Variants in ESR1 observed in about 807,000 individuals in gnomAD.
The protein encoded by ESR1 is estrogen receptor 1.
Under a neutral mutation model 52.7 loss-of-function variants are expected in ESR1, and 12 were observed. That is an observed-to-expected ratio of 0.23 (90% CI 0.15 to 0.37). The LOEUF is 0.37. Ranked by LOEUF, ESR1 falls within the 10% of genes least tolerant of loss-of-function variation. ESR1 has a pLI of 1.00. For synonymous variants in ESR1, 305 were observed against 316.8 expected (o/e 0.96, Z 0.39); for missense variants, 584 against 779.7 (o/e 0.75, Z 2.99).
chr6:151,709,963 T>G (rs1406034936), intron 2 of ESR1, among the ~76,000 whole-genome samples: 1 of 151,674 alleles, frequency 6.6e-6, no homozygotes, highest in Non-Finnish European at 1.5e-5. Flanking sequence ...TTTTATTATT[T>G]TTAATATTTA....
intron 1 of ESR1, among the ~76,000 whole-genome samples, chr6:151,659,115 G>A (rs1038809871): frequency 6.6e-6 from 1 of 152,158 alleles, no homozygotes; most frequent in African/African-American, 2.4e-5. Context: ...CTGGGTTCAA[G>A]TGATTCTCCT....
chr6:151,980,444 A>G (rs2039881513), intron 4 of ESR1, among the ~76,000 whole-genome samples: 1 of 152,212 alleles, frequency 6.6e-6, no homozygotes, highest in South Asian at 2.1e-4. Context: ...AGAAGCAATA[A>G]AGGAAACAAC....
chr6:151,842,392 A>G (rs1784437738), intron 1 of ESR1, among the ~76,000 whole-genome samples: 6 of 152,246 alleles, frequency 3.9e-5, no homozygotes, highest in Admixed American at 3.9e-4. Flanking sequence ...TTTTAAAACA[A>G]GTTTGCAATA....
At chr6:151,963,305 C>T (rs569051623) in intron 4 of ESR1, among the ~76,000 whole-genome samples, 1 of 152,270 alleles carries the variant, frequency 6.6e-6, no homozygotes, top group Admixed American at 6.5e-5. Flanking sequence ...CAATCTCTTT[C>T]CAGGGGGTAA....
chr6:152,123,046 C>CATA (rs1256283073), intron 6 of ESR1, among the ~76,000 whole-genome samples: 1 of 152,214 alleles, frequency 6.6e-6, no homozygotes, highest in African/African-American at 2.4e-5. Flanking sequence ...TTTGATGCAG[C>CATA]ATATTTTTGT....
At position 151,841,146 on chromosome 6, in the gene ESR1, C is replaced by T. The variant is rs145278550; in HGVS notation, c.453-1451C>T. Among the ~76,000 whole-genome samples, 195 of 152,312 alleles carry T rather than the reference C, an allele frequency of 1.3e-3. 2 individuals carry two copies. The highest frequency in any genetic ancestry group is 1.3e-3 in the East Asian group (7 of 5,186). On this transcript the variant is annotated intron_variant, in intron 1 of 7. Transcript: ENST00000206249. The stretch of plus-strand genomic sequence containing the variant: ...CTTCTTGGCTTTATTCTTTTATCTT[C>T]CTCTTTGTGCTTTCAAACATTCCCT...
chr6:151,933,888 C>T (rs1306115419), intron 3 of ESR1, among the ~76,000 whole-genome samples: 1 of 152,204 alleles, frequency 6.6e-6, no homozygotes, highest in Non-Finnish European at 1.5e-5. Context: ...CCCCTGCTAC[C>T]TCATCAACTG....
chr6:151,802,778 CA>C (rs1777389934), upstream of ESR1, among the ~76,000 whole-genome samples: 1 of 152,124 alleles, frequency 6.6e-6, no homozygotes, highest in Non-Finnish European at 1.5e-5. Flanking sequence ...CACCTGTGGT[CA>C]GGAGTTCAGG....
intron 2 of ESR1, among the ~76,000 whole-genome samples, chr6:151,856,007 G>A (rs987623736): frequency 4.6e-5 from 7 of 152,022 alleles, no homozygotes; most frequent in African/African-American, 9.7e-5. Flanking sequence ...AATAGTGTGG[G>A]TTTAAAAAAA....
intron 2 of ESR1, among the ~76,000 whole-genome samples, chr6:151,709,675 T>C (rs1780443059): frequency 6.6e-6 from 1 of 152,084 alleles, no homozygotes. Flanking sequence ...TGAGATGATA[T>C]CTCTTTGTGG....
chr6:151,680,235 G>T (rs529905320), intron 1 of ESR1, among the ~76,000 whole-genome samples: 9 of 134,964 alleles, frequency 6.7e-5, no homozygotes, highest in African/African-American at 2.2e-4. Context: ...TTGGAGTCTC[G>T]CTCTGTCACC....
At chr6:151,948,934 G>T (rs183589008) in intron 4 of ESR1, among the ~76,000 whole-genome samples, 1 of 152,294 alleles carries the variant, frequency 6.6e-6, no homozygotes, top group African/African-American at 2.4e-5. Context: ...CTCAGGAAGT[G>T]CTTGAATAAA....
At chr6:152,075,412 G>A (rs1357515641) in intron 6 of ESR1, among the ~76,000 whole-genome samples, 2 of 152,092 alleles carry the variant, frequency 1.3e-5, no homozygotes, top group Non-Finnish European at 2.9e-5. Flanking sequence ...TCTCGTTAAG[G>A]AAAAATGAGA....
At chr6:151,689,391 A>C (rs1044861444), upstream of ESR1, among the ~76,000 whole-genome samples, 2 of 152,174 alleles carry the variant, frequency 1.3e-5, no homozygotes, top group Non-Finnish European at 2.9e-5. Context: ...TCTTGTTGAG[A>C]TTTTATGTTC....
At chr6:151,785,370 A>T (rs1786921372) in intron 2 of ESR1, among the ~76,000 whole-genome samples, 1 of 152,196 alleles carries the variant, frequency 6.6e-6, no homozygotes, top group Admixed American at 6.5e-5. Flanking sequence ...ATACTTCTAC[A>T]ATTTCCCAGA....
intron 1 of ESR1, among the ~76,000 whole-genome samples, chr6:151,826,981 C>T (rs1781607355): frequency 6.6e-6 from 1 of 152,082 alleles, no homozygotes; most frequent in South Asian, 2.1e-4. Context: ...GATGTGGGAA[C>T]ATCCCTGGTG....
intron 2 of ESR1, among the ~76,000 whole-genome samples, chr6:151,756,394 C>T (rs908035549): frequency 2.6e-5 from 4 of 152,066 alleles, no homozygotes; most frequent in African/African-American, 4.8e-5. Context: ...ATTAGAGGCG[C>T]GTGCCACCAT....
intron 3 of ESR1, among the ~76,000 whole-genome samples, chr6:151,921,046 C>G (rs1412080816): frequency 6.6e-6 from 1 of 152,038 alleles, no homozygotes; most frequent in Admixed American, 6.6e-5. Context: ...GGCATTAAAG[C>G]CAACATGCAT....
Position 151,928,460 on chromosome 6 carries a change from TC to T in ESR1, c.761-15712del, listed in dbSNP as rs371621118. On this transcript the variant is annotated intron_variant, in intron 3 of 7. Coordinates refer to ENST00000206249, the MANE Select transcript of ESR1 (RefSeq NM_000125.4). ...TTCCATATATTGCTAGCACAGAAGATCTAAATTGAAAATTCAAAATACAGTT... is the reference window on the plus strand; with the variant it reads ...TTCCATATATTGCTAGCACAGAAGATTAAATTGAAAATTCAAAATACAGTT... Among the ~76,000 whole-genome samples, 46 of 152,274 alleles carry T rather than the reference TC, an allele frequency of 3.0e-4. No individual in the cohort carries two copies. The East Asian group carries it at 7.7e-3, about 26-fold the overall frequency.
Sources: gnomAD v4.1 joint callset for allele counts (sites outside exome capture counted in the v4.1 genomes callset) on GRCh38, gnomAD v4.1.1 for gene constraint, MANE v1.5 for transcripts, NCBI Gene and HGNC (gene_info 2026-07-23, HGNC 2026-07-21) for gene names.